The following ZC3H12B variants were observed in gnomAD, a reference collection of about 807,000 sequenced individuals.
The protein encoded by ZC3H12B is probable ribonuclease ZC3H12B.
ZC3H12B carries 7 observed loss-of-function variants against 43.9 expected under a neutral mutation model. The observed-to-expected ratio is 0.16, with a 90% CI of 0.09 to 0.30. The LOEUF (loss-of-function observed/expected upper bound fraction) is 0.30, where lower values mean the gene tolerates loss of function less well. ZC3H12B is among the 10% of genes least tolerant of loss of function. The pLI is 1.00. For synonymous variants in ZC3H12B, 222 were observed against 241.7 expected (o/e 0.92, Z 0.76); for missense variants, 475 against 670.2 (o/e 0.71, Z 3.22).
chrX:65,297,372 A>G, the ZC3H12B span, among the ~76,000 whole-genome samples: 1 of 111,348 alleles, frequency 9.0e-6, no homozygotes, highest in Non-Finnish European at 1.9e-5. Flanking sequence ...GAGGAATCAA[A>G]TCAAGAACTC....
At chrX:65,116,340 C>G in the ZC3H12B span, among the ~76,000 whole-genome samples, 2 of 111,037 alleles carry the variant, frequency 1.8e-5, no homozygotes, top group Non-Finnish European at 3.8e-5. Context: ...TTTGCTTTGT[C>G]TAACATCAGT....
At chrX:65,321,445 G>C in the ZC3H12B span, among the ~76,000 whole-genome samples, 2 of 111,939 alleles carry the variant, frequency 1.8e-5, no homozygotes, top group African/African-American at 6.5e-5. Flanking sequence ...CTTGTACACT[G>C]TTGGTGTGAG....
intron 3 of ZC3H12B, among the ~76,000 whole-genome samples, chrX:65,399,684 A>G (rs2148047228): frequency 8.9e-6 from 1 of 112,336 alleles, no homozygotes; most frequent in Non-Finnish European, 1.9e-5. Context: ...TGTTAGATAT[A>G]TACCCAAAAG....
At chrX:65,247,687 T>A in the ZC3H12B span, among the ~76,000 whole-genome samples, 1 of 111,955 alleles carries the variant, frequency 8.9e-6, no homozygotes, top group Non-Finnish European at 1.9e-5. Context: ...GGCAGAATTA[T>A]GAGAACACAT....
the ZC3H12B span, among the ~76,000 whole-genome samples, chrX:65,046,975 C>G: frequency 3.6e-5 from 4 of 111,026 alleles, no homozygotes; most frequent in South Asian, 1.5e-3. Flanking sequence ...TGTTTGCCAT[C>G]TTCTATGGGG....
At chrX:65,301,409 T>C in the ZC3H12B span, among the ~76,000 whole-genome samples, 1 of 111,031 alleles carries the variant, frequency 9.0e-6, no homozygotes, top group African/African-American at 3.3e-5. Flanking sequence ...CAATTTGCAA[T>C]TGCAAAAATA....
At chrX:65,107,568 T>A in the ZC3H12B span, among the ~76,000 whole-genome samples, 1 of 111,256 alleles carries the variant, frequency 9.0e-6, no homozygotes, top group Non-Finnish European at 1.9e-5. Context: ...CCCACCTAAA[T>A]CTCACCTTGA....
chrX:65,131,171 G>T, the ZC3H12B span, among the ~76,000 whole-genome samples: 8 of 111,662 alleles, frequency 7.2e-5, no homozygotes, highest in African/African-American at 2.6e-4. Flanking sequence ...AGAGGTATTG[G>T]AGTGGGGCAG....
At chrX:65,304,335 G>T in the ZC3H12B span, among the ~76,000 whole-genome samples, 1 of 111,649 alleles carries the variant, frequency 9.0e-6, no homozygotes, top group Non-Finnish European at 1.9e-5. Context: ...ACATTTACCC[G>T]ACCGGGTGCG....
the ZC3H12B span, among the ~76,000 whole-genome samples, chrX:65,091,398 G>GGA: frequency 8.9e-6 from 1 of 112,235 alleles, no homozygotes; most frequent in East Asian, 2.8e-4. Context: ...CAGAACAGCA[G>GGA]GAGAATAAGT....
chrX:65,168,200 G>T, the ZC3H12B span, among the ~76,000 whole-genome samples: 4 of 111,729 alleles, frequency 3.6e-5, no homozygotes, highest in South Asian at 7.5e-4. Context: ...ATTATTTTGA[G>T]ATACGTCCCA....
At chrX:65,142,395 G>A in the ZC3H12B span, among the ~76,000 whole-genome samples, 4 of 111,952 alleles carry the variant, frequency 3.6e-5, no homozygotes, top group African/African-American at 1.3e-4. Context: ...GGTAGATTCT[G>A]GATATCATTT....
chrX:65,133,109 G>A, the ZC3H12B span, among the ~76,000 whole-genome samples: 4 of 111,360 alleles, frequency 3.6e-5, no homozygotes, highest in African/African-American at 1.3e-4. Flanking sequence ...AGATCCTCGG[G>A]CAGGCAGTCC....
chrX:65,131,411 A>G, the ZC3H12B span, among the ~76,000 whole-genome samples: 22 of 111,638 alleles, frequency 2.0e-4, no homozygotes, highest in African/African-American at 7.2e-4. Flanking sequence ...GTTTGGACAG[A>G]AAGGCTACAG....
At chrX:65,170,969 A>T in the ZC3H12B span, among the ~76,000 whole-genome samples, 1 of 111,591 alleles carries the variant, frequency 9.0e-6, no homozygotes. Context: ...CTTATTTGTG[A>T]TGGGTTAGAA....
the ZC3H12B span, among the ~76,000 whole-genome samples, chrX:65,108,059 T>G: frequency 9.0e-6 from 1 of 111,107 alleles, no homozygotes; most frequent in Admixed American, 9.6e-5. Context: ...AGATTAAAAA[T>G]GGTACACCTG....
chrX:65,057,178 T>G, the ZC3H12B span, among the ~76,000 whole-genome samples: 3 of 112,047 alleles, frequency 2.7e-5, no homozygotes, highest in Non-Finnish European at 5.6e-5. Flanking sequence ...CTTCCTAGCC[T>G]TGATGGTCTT....
chrX:65,269,182 T>C, the ZC3H12B span, among the ~76,000 whole-genome samples: 1 of 109,960 alleles, frequency 9.1e-6, no homozygotes, highest in African/African-American at 3.3e-5. Flanking sequence ...CCATCTCTAC[T>C]AAAAATACAA....
exon 1 of ZC3H12B, chrX:65,488,851 C>T: frequency 8.3e-7 from 1 of 1,207,430 alleles, no homozygotes; most frequent in Non-Finnish European, 1.1e-6. Flanking sequence ...AAGAGTGCCT[C>T]CAAGGAAGAG....
Sources: allele counts gnomAD v4.1 joint callset (sites outside exome capture counted in the v4.1 genomes callset), GRCh38; gene constraint gnomAD v4.1.1; transcripts MANE v1.5; gene names NCBI Gene and HGNC (gene_info 2026-07-23, HGNC 2026-07-21).